The following LUZP2 variants were observed in gnomAD, a reference collection of about 807,000 sequenced individuals.
LUZP2 encodes the protein leucine zipper protein 2.
Under a neutral mutation model 51.6 loss-of-function variants are expected in LUZP2, and 52 were observed. The ratio of observed to expected loss-of-function variants is 1.01; its 90% CI spans 0.81 to 1.27. The LOEUF is 1.27. Among genes scored for constraint, LUZP2 ranks in the 50% most tolerant of loss-of-function variants. The pLI is 0.00. For synonymous variants in LUZP2, 154 were observed against 137.3 expected (o/e 1.12, Z -0.85); for missense variants, 436 against 395.4 (o/e 1.10, Z -0.87).
At chr11:24,640,499 C>G (rs1027782486) in intron 1 of LUZP2, among the ~76,000 whole-genome samples, 1 of 151,850 alleles carries the variant, frequency 6.6e-6, no homozygotes, top group Non-Finnish European at 1.5e-5. Context: ...TGAGATTTAT[C>G]TGGTTAAAAC....
intron 1 of LUZP2, among the ~76,000 whole-genome samples, chr11:24,725,288 A>G (rs923850769): frequency 4.6e-5 from 7 of 152,096 alleles, no homozygotes; most frequent in African/African-American, 1.7e-4. Context: ...AACATTTAGA[A>G]AAAAAAATTT....
In LUZP2 at chr11:24,991,350, G is replaced by GTGTA. The variant is rs377160760; in HGVS notation, c.765+8058_765+8059insGTAT. Among the ~76,000 whole-genome samples, 1,193 of 142,232 alleles carry GTGTA rather than the reference G, an allele frequency of 8.4e-3. 15 individuals are homozygous for GTGTA. Among genetic ancestry groups the GTGTA allele is most frequent in the African/African-American group, 0.029 (1,123 of 39,332 alleles). 93.3% of individuals were successfully genotyped at this position (142,232 alleles called of 152,430 possible). A position where few individuals can be genotyped will look rare whatever the true frequency, so the allele number is the denominator to read the frequency against. On this transcript the variant is annotated intron_variant, in intron 9 of 11. Transcript: ENST00000336930. ...TTCCATCATATATATGTGTGTGTGT[G>GTGTA]TATATATATATGTGTGTGTATATAT...
intron 9 of LUZP2, among the ~76,000 whole-genome samples, chr11:24,987,894 T>A (rs1856233530): frequency 6.6e-6 from 1 of 151,978 alleles, no homozygotes; most frequent in Non-Finnish European, 1.5e-5. Context: ...ATTATGGGCT[T>A]CAAAAATGCT....
At chr11:25,029,018 A>T (rs1431945840) in intron 9 of LUZP2, among the ~76,000 whole-genome samples, 2 of 152,202 alleles carry the variant, frequency 1.3e-5, no homozygotes, top group Non-Finnish European at 2.9e-5. Context: ...TATTTGTGGG[A>T]TCTAAAAATC....
intron 1 of LUZP2, among the ~76,000 whole-genome samples, chr11:24,587,436 GC>G (rs1742445525): frequency 6.6e-6 from 1 of 152,096 alleles, no homozygotes; most frequent in Non-Finnish European, 1.5e-5. Context: ...AGAAGCCTGA[GC>G]GAGCATAAGC....
At chr11:25,013,930 T>C (rs1857058950) in intron 9 of LUZP2, among the ~76,000 whole-genome samples, 1 of 151,924 alleles carries the variant, frequency 6.6e-6, no homozygotes, top group African/African-American at 2.4e-5. Context: ...CCCCAGTGTG[T>C]GATGTTCCCC....
At chr11:24,574,165 TTTTC>T (rs139420498) in intron 1 of LUZP2, among the ~76,000 whole-genome samples, 76,711 of 134,850 alleles carry the variant, frequency 0.57, 23,119 homozygotes, top group East Asian at 0.79. Flanking sequence ...CTTCTTTCAA[TTTTC>T]TTTCTTTCTT....
chr11:24,854,389 G>T (rs1212458856), intron 5 of LUZP2, among the ~76,000 whole-genome samples: 1 of 152,216 alleles, frequency 6.6e-6, no homozygotes, highest in Non-Finnish European at 1.5e-5. Context: ...GCTCCACCCA[G>T]TTCAAACTTC....
intron 5 of LUZP2, among the ~76,000 whole-genome samples, chr11:24,870,117 C>T (rs1348720038): frequency 6.6e-6 from 1 of 152,044 alleles, no homozygotes; most frequent in Non-Finnish European, 1.5e-5. Context: ...TAAATCAAGG[C>T]CCTAACTCTT....
intron 1 of LUZP2, chr11:24,646,488 T>C (rs1342120622): frequency 1.5e-5 from 8 of 547,284 alleles, no homozygotes; most frequent in African/African-American, 2.1e-5. Context: ...CCTATCTTAA[T>C]GCTTTACCTT....
intron 1 of LUZP2, among the ~76,000 whole-genome samples, chr11:24,537,401 T>A (rs1301374509): frequency 6.6e-6 from 1 of 151,974 alleles, no homozygotes; most frequent in Non-Finnish European, 1.5e-5. Flanking sequence ...TATGTTGACA[T>A]ACACAAGCCT....
intron 1 of LUZP2, among the ~76,000 whole-genome samples, chr11:24,661,747 T>C (rs900728806): frequency 5.9e-5 from 9 of 152,174 alleles, no homozygotes; most frequent in African/African-American, 2.2e-4. Context: ...CTTTTATAAA[T>C]ATGGTGAAAT....
Position 24,640,521 on chromosome 11 carries a change from G to T in LUZP2, c.63-88648G>T, listed in dbSNP as rs1054187250. Among the ~76,000 whole-genome samples, 13 of 151,910 alleles carry T rather than the reference G, an allele frequency of 8.6e-5. No individual in the cohort carries two copies. The South Asian group carries it at 1.2e-3, about 15-fold the overall frequency. On this transcript the variant is annotated intron_variant, in intron 1 of 11. Coordinates refer to ENST00000336930, the MANE Select transcript of LUZP2 (RefSeq NM_001009909.4). ...TATCTGGTTAAAACAGGATTTACAT[G>T]ACTTTTTTCTGTCTATAAAAACATG... is the stretch of plus-strand genomic sequence containing the variant.
At chr11:24,786,180 A>G in intron 5 of LUZP2, 2 of 975,012 alleles carry the variant, frequency 2.1e-6, no homozygotes, top group Non-Finnish European at 2.4e-6. Flanking sequence ...CCTAAAACCA[A>G]GAAGCATATT....
intron 7 of LUZP2, among the ~76,000 whole-genome samples, chr11:24,954,288 G>A (rs905153237): frequency 2.0e-5 from 3 of 152,048 alleles, no homozygotes; most frequent in Non-Finnish European, 2.9e-5. Flanking sequence ...TCTCGCAGGA[G>A]GTTGCCATGA....
At chr11:24,913,833 G>A (rs949319713) in intron 6 of LUZP2, among the ~76,000 whole-genome samples, 4 of 152,066 alleles carry the variant, frequency 2.6e-5, no homozygotes, top group Non-Finnish European at 1.5e-5. Flanking sequence ...AATTGGGACT[G>A]TCCTGAAAAA....
At chr11:24,603,469 C>T (rs1012657434) in intron 1 of LUZP2, among the ~76,000 whole-genome samples, 2 of 151,686 alleles carry the variant, frequency 1.3e-5, no homozygotes, top group Non-Finnish European at 3.0e-5. Context: ...AGAAATTTGA[C>T]ACAGAAATGA....
intron 1 of LUZP2, among the ~76,000 whole-genome samples, chr11:24,678,828 T>C (rs1856646108): frequency 6.6e-6 from 1 of 152,180 alleles, no homozygotes; most frequent in Non-Finnish European, 1.5e-5. Context: ...GTGAATTTAT[T>C]TGTAAGAGAG....
chr11:24,573,443 G>T (rs1019312336), intron 1 of LUZP2, among the ~76,000 whole-genome samples: 3 of 151,760 alleles, frequency 2.0e-5, no homozygotes, highest in Middle Eastern at 6.8e-3. Flanking sequence ...TTTTCATGAG[G>T]ATTACCTTTT....
Sources: gnomAD v4.1 joint callset for allele counts (sites outside exome capture counted in the v4.1 genomes callset) on GRCh38, gnomAD v4.1.1 for gene constraint, MANE v1.5 for transcripts, NCBI Gene and HGNC (gene_info 2026-07-23, HGNC 2026-07-21) for gene names.